Variants in SUSD6 observed in about 807,000 individuals in gnomAD.
The protein encoded by SUSD6 is sushi domain containing 6.
A neutral mutation model predicts 28.4 loss-of-function variants in SUSD6; 16 were observed. The ratio of observed to expected loss-of-function variants is 0.56; its 90% confidence interval spans 0.38 to 0.86. SUSD6 has a LOEUF of 0.86. Ranked by LOEUF, SUSD6 falls within the 40% of genes least tolerant of loss-of-function variation. The pLI is 0.00. For synonymous variants in SUSD6, 147 were observed against 159.6 expected (o/e 0.92, Z 0.59); for missense variants, 341 against 384.2 (o/e 0.89, Z 0.94).
intron 2 of SUSD6, among the ~76,000 whole-genome samples, chr14:69,680,917 C>T (rs1394190670): frequency 6.6e-6 from 1 of 152,178 alleles, no homozygotes; most frequent in African/African-American, 2.4e-5. Flanking sequence ...GTCTTTGTTG[C>T]ACTTGTAGCT....
chr14:69,691,683 T>C (rs541039438), intron 2 of SUSD6, among the ~76,000 whole-genome samples: 5 of 152,292 alleles, frequency 3.3e-5, no homozygotes, highest in South Asian at 2.1e-4. Flanking sequence ...GCCCTCTAAT[T>C]CCAGGTCACA....
At chr14:69,612,921 G>A (rs1254746299) in intron 1 of SUSD6, among the ~76,000 whole-genome samples, 1 of 152,074 alleles carries the variant, frequency 6.6e-6, no homozygotes, top group African/African-American at 2.4e-5. Context: ...ACATACATAG[G>A]AGTTACGCAC....
chr14:69,631,766 C>T (rs1417645779), intron 1 of SUSD6, among the ~76,000 whole-genome samples: 4 of 152,162 alleles, frequency 2.6e-5, no homozygotes, highest in African/African-American at 9.7e-5. Context: ...CACGGGCTTG[C>T]AAAAGAATGT....
chr14:69,640,577 T>G (rs767488689), intron 1 of SUSD6, among the ~76,000 whole-genome samples: 6 of 152,140 alleles, frequency 3.9e-5, no homozygotes, highest in Non-Finnish European at 1.5e-5. Context: ...CCTTGAGTGA[T>G]CCTTCTGCCT....
chr14:69,699,989 A>T (rs10220277), intron 2 of SUSD6, among the ~76,000 whole-genome samples: 7,393 of 152,188 alleles, frequency 0.049, 644 homozygotes, highest in African/African-American at 0.17. Flanking sequence ...ATCTTTTATT[A>T]TGCAGATGGG....
intron 3 of SUSD6, chr14:69,703,849 T>C (rs1286150551): frequency 1.8e-6 from 1 of 546,408 alleles, no homozygotes; most frequent in East Asian, 3.2e-5. Flanking sequence ...ATCTCTTGTT[T>C]GCATGGCCAA....
intron 1 of SUSD6, among the ~76,000 whole-genome samples, chr14:69,619,851 C>G (rs1595029244): frequency 6.6e-6 from 1 of 152,178 alleles, no homozygotes; most frequent in Admixed American, 6.5e-5. Context: ...GATCCCACAC[C>G]TACACCCCAT....
At chr14:69,634,374 A>T (rs117266879) in intron 1 of SUSD6, among the ~76,000 whole-genome samples, 3,262 of 152,234 alleles carry the variant, frequency 0.021, 63 homozygotes, top group Non-Finnish European at 0.03. Context: ...AAATACAAAC[A>T]TTTTCTTTGT....
chr14:69,703,297 C>T lies in SUSD6; in HGVS notation c.122-98C>T, dbSNP rs937028974. 1.1e-5 allele frequency: 10 copies of T among 931,056 alleles called. No homozygotes were observed. The African/African-American group carries it at 1.3e-4, about 12-fold the overall frequency. 57.7% of individuals were successfully genotyped at this position (931,056 alleles called of 1,614,324 possible). A position where few individuals can be genotyped will look rare whatever the true frequency, so the allele number is the denominator to read the frequency against. Reference sequence around the variant, plus strand: ...CCAAGGAAAGGGTTATTTCCTCCTCCTGTGTTTCCTGTAGAGGCCTTCAGA... The same window carrying T: ...CCAAGGAAAGGGTTATTTCCTCCTCTTGTGTTTCCTGTAGAGGCCTTCAGA... On this transcript the variant is annotated intron_variant, in intron 2 of 5. Transcript: ENST00000342745.
chr14:69,697,159 G>C (rs1357824281), intron 2 of SUSD6, among the ~76,000 whole-genome samples: 1 of 152,180 alleles, frequency 6.6e-6, no homozygotes, highest in Non-Finnish European at 1.5e-5. Context: ...TGGTGGGGGA[G>C]TGTCTTTTAG....
chr14:69,657,001 A>G (rs1409894897), intron 1 of SUSD6, among the ~76,000 whole-genome samples: 2 of 152,224 alleles, frequency 1.3e-5, no homozygotes, highest in African/African-American at 2.4e-5. Flanking sequence ...CACAATTATT[A>G]GAGGGAAATG....
chr14:69,651,077 C>T (rs572224919), intron 1 of SUSD6, among the ~76,000 whole-genome samples: 2 of 152,282 alleles, frequency 1.3e-5, no homozygotes, highest in East Asian at 1.9e-4. Flanking sequence ...AGTTTTCTTA[C>T]AGCTGAAAGG....
intron 2 of SUSD6, among the ~76,000 whole-genome samples, chr14:69,676,855 G>A (rs1453560336): frequency 2.6e-5 from 4 of 152,238 alleles, no homozygotes; most frequent in Non-Finnish European, 5.9e-5. Context: ...GAGAAGAACC[G>A]AAAGGTATAG....
intron 1 of SUSD6, among the ~76,000 whole-genome samples, chr14:69,613,711 A>G (rs2139586306): frequency 6.6e-6 from 1 of 152,346 alleles, no homozygotes; most frequent in East Asian, 1.9e-4. Context: ...CCAGCGAGTT[A>G]AACAGAGGAC....
Position 69,709,286 on chromosome 14 carries a change from T to A in SUSD6, c.886+182T>A, listed in dbSNP as rs112002595. 8.5e-4 allele frequency among the ~76,000 whole-genome samples: 130 copies of A among 152,348 alleles called. 1 individual carries two copies. Among genetic ancestry groups the A allele is most frequent in the African/African-American group, 3.0e-3 (124 of 41,580 alleles). On this transcript the variant is annotated intron_variant, in intron 5 of 5. Coordinates refer to ENST00000342745, the MANE Select transcript of SUSD6 (RefSeq NM_014734.4). ...GTACTGAGTAGGGCTTTGGGCTCTC[T>A]GTAGTGAGACTTTTCACTGACGCCT...
chr14:69,632,402 G>A (rs1387720178), intron 1 of SUSD6, among the ~76,000 whole-genome samples: 3 of 152,136 alleles, frequency 2.0e-5, no homozygotes, highest in Non-Finnish European at 2.9e-5. Flanking sequence ...GGGGAGGATT[G>A]CCTAGAAGGG....
chr14:69,685,346 A>T (rs567716627), intron 2 of SUSD6, among the ~76,000 whole-genome samples: 117 of 152,342 alleles, frequency 7.7e-4, no homozygotes, highest in South Asian at 2.1e-3. Flanking sequence ...TACTAATATT[A>T]TTCCACTGCA....
At chr14:69,616,751 C>G (rs1216124375) in intron 1 of SUSD6, among the ~76,000 whole-genome samples, 7 of 152,096 alleles carry the variant, frequency 4.6e-5, no homozygotes, top group Non-Finnish European at 1.0e-4. Context: ...TCTGTTTTTT[C>G]CATCTTCAGA....
chr14:69,630,568 T>C (rs1885178427), intron 1 of SUSD6, among the ~76,000 whole-genome samples: 1 of 152,170 alleles, frequency 6.6e-6, no homozygotes, highest in Non-Finnish European at 1.5e-5. Flanking sequence ...GACGTCTGAC[T>C]AAAACACAGA....
Sources: allele counts gnomAD v4.1 joint callset (sites outside exome capture counted in the v4.1 genomes callset), GRCh38; gene constraint gnomAD v4.1.1; transcripts MANE v1.5; gene names NCBI Gene and HGNC (gene_info 2026-07-23, HGNC 2026-07-21).